TRAPPC11: variants seen among roughly 807,000 people sequenced by gnomAD.
TRAPPC11 encodes the protein foie gras homolog.
A neutral mutation model predicts 151.2 loss-of-function variants in TRAPPC11; 104 were observed. That is an observed-to-expected ratio of 0.69 (90% CI 0.59 to 0.81). The LOEUF (loss-of-function observed/expected upper bound fraction) is 0.81, where lower values mean the gene tolerates loss of function less well. Ranked by LOEUF, TRAPPC11 falls within the 30% of genes least tolerant of loss-of-function variation. The probability of loss-of-function intolerance (pLI) is 0.00; values close to 1 mark genes in which losing one functional copy is unlikely to be tolerated. For synonymous variants in TRAPPC11, 456 were observed against 472.3 expected, an observed-to-expected ratio of 0.97 and a Z score of 0.45; for missense variants, 1,230 against 1,349.6, an observed-to-expected ratio of 0.91 and a Z score of 1.39.
intron 1 of TRAPPC11, among the ~76,000 whole-genome samples, chr4:183,663,051 T>C (rs1734639227): frequency 6.6e-6 from 1 of 152,274 alleles, no homozygotes; most frequent in African/African-American, 2.4e-5. Flanking sequence ...TTTTGCCTTT[T>C]TGTAATGATT....
At chr4:183,661,573 A>T (rs543712901) in intron 1 of TRAPPC11, among the ~76,000 whole-genome samples, 3 of 150,454 alleles carry the variant, frequency 2.0e-5, no homozygotes, top group Admixed American at 6.6e-5. Flanking sequence ...GGGTTTCACC[A>T]TGTTAGCCAG....
chr4:183,667,986 A>T lies in TRAPPC11; in HGVS notation c.446-17A>T, dbSNP rs1294348872. 2.1e-6 allele frequency: 3 copies of T among 1,404,434 alleles called. No individual in the cohort carries two copies. In the South Asian group the frequency reaches 3.5e-5, roughly 16 times the overall value. 87.0% of individuals were successfully genotyped at this position (1,404,434 alleles called of 1,614,324 possible). Reference sequence around the variant, plus strand: ...GTTATTTTATTTCTCATTCATCTTGATGGGGATTATCAACAGGAGAAGATG... The same window carrying T: ...GTTATTTTATTTCTCATTCATCTTGTTGGGGATTATCAACAGGAGAAGATG... On this transcript the variant is annotated splice_polypyrimidine_tract_variant and intron_variant, in intron 4 of 29. Transcript: ENST00000334690.
intron 26 of TRAPPC11, 23 bp from the exon 27 acceptor site, chr4:183,704,956 A>T: frequency 6.7e-7 from 1 of 1,499,724 alleles, no homozygotes; most frequent in Non-Finnish European, 9.1e-7. Context: ...AAGAGTTTAA[A>T]AAGATGACCT....
intron 11 of TRAPPC11, 40 bp downstream of exon 11, chr4:183,682,865 A>G: frequency 1.5e-6 from 2 of 1,332,098 alleles, no homozygotes; most frequent in Non-Finnish European, 2.2e-6. Flanking sequence ...CTCAACCTCA[A>G]AAGGCAACAA....
chr4:183,708,290 T>C (rs1395089943), intron 28 of TRAPPC11, 117 bp from the exon 29 acceptor site: 2 of 1,076,382 alleles, frequency 1.9e-6, no homozygotes, highest in African/African-American at 3.2e-5. Context: ...AGAGAGTGAA[T>C]ATTTCAGTAG....
chr4:183,711,717 G>T (rs144403793), intron 29 of TRAPPC11, among the ~76,000 whole-genome samples: 43 of 100,850 alleles, frequency 4.3e-4, no homozygotes, highest in African/African-American at 1.2e-3. Flanking sequence ...TCACTGCCTC[G>T]GGAATGCCTC....
chr4:183,683,289 A>G (rs950132157), intron 11 of TRAPPC11, among the ~76,000 whole-genome samples: 2 of 152,242 alleles, frequency 1.3e-5, no homozygotes, highest in Non-Finnish European at 2.9e-5. Flanking sequence ...GCATTAACTC[A>G]TATTACCTTA....
intron 3 of TRAPPC11, 131 bp from the exon 4 acceptor site, chr4:183,666,929 T>C (rs937974071): frequency 2.4e-5 from 15 of 633,522 alleles, no homozygotes; most frequent in Non-Finnish European, 4.0e-5. Flanking sequence ...CAGGAAAAGA[T>C]TTCTTCTGAT....
chr4:183,685,200 C>T (rs1037946876), intron 16 of TRAPPC11, 55 bp downstream of exon 16: 15 of 1,607,908 alleles, frequency 9.3e-6, no homozygotes, highest in Admixed American at 8.3e-5. Context: ...GTACTTATAT[C>T]TATATCAACT....
Position 183,675,237 on chromosome 4 carries a change from A to G in TRAPPC11, c.734A>G (p.Lys245Arg). ...AAACAAGATACACAAAATGCGCTGA[A>G]GTAAGTTAAGCTTTCAAACTAAATG... Reference protein sequence around the residue: ...ELKQDTQNALKNYRTAYNLVH... With the variant: ...ELKQDTQNALRNYRTAYNLVH... Residue 245 changes from lysine (K) to arginine (R), a missense_variant and splice_region_variant, in exon 7 of 30, where the codon AAG becomes AGG. Physicochemically the swap from Lys to Arg is conservative, Grantham distance 26. Coordinates refer to ENST00000334690, the MANE Select transcript of TRAPPC11 (RefSeq NM_021942.6). 1 of 1,527,808 alleles carries G rather than the reference A, an allele frequency of 6.5e-7. No homozygotes were observed. Among genetic ancestry groups the G allele is most frequent in the Non-Finnish European group, 8.8e-7 (1 of 1,133,216 alleles). 94.6% of individuals were successfully genotyped at this position (1,527,808 alleles called of 1,614,324 possible). A position where few individuals can be genotyped will look rare whatever the true frequency, so the allele number is the denominator to read the frequency against.
intron 18 of TRAPPC11, among the ~76,000 whole-genome samples, chr4:183,689,791 C>T (rs201783204): frequency 4.0e-5 from 6 of 148,450 alleles, no homozygotes; most frequent in South Asian, 2.1e-4. Flanking sequence ...CTTTTCTTTC[C>T]TTTTTTTTTT....
Position 183,684,780 on chromosome 4 carries a change from C to G in TRAPPC11, c.1506C>G (p.Cys502Trp). ...LTSVLTTALK[C>W]SYLMAQLKDY... ...CTGTATTAACTACAGCTCTGAAGTG[C>G]TCCTACCTCATGGCCCAATTAAAGG... Residue 502 changes from cysteine to tryptophan, a missense_variant, in exon 15 of 30, where the codon TGC (cysteine) becomes TGG (tryptophan). Cys to Trp is a radical substitution (Grantham distance 215). Transcript: ENST00000334690. 4 of 1,613,648 alleles carry G rather than the reference C, an allele frequency of 2.5e-6. No individual in the cohort carries two copies. The highest frequency in any genetic ancestry group is 3.4e-6 in the Non-Finnish European group (4 of 1,179,612).
intron 5 of TRAPPC11, among the ~76,000 whole-genome samples, chr4:183,672,606 T>C (rs1000638838): frequency 6.6e-6 from 1 of 152,246 alleles, no homozygotes; most frequent in Non-Finnish European, 1.5e-5. Flanking sequence ...ACAACACTTA[T>C]GCTCTATCCC....
At chr4:183,671,490 GT>G (rs925976119) in intron 5 of TRAPPC11, among the ~76,000 whole-genome samples, 2 of 152,050 alleles carry the variant, frequency 1.3e-5, no homozygotes, top group African/African-American at 4.8e-5. Flanking sequence ...TTCTGCTCTT[GT>G]GCCTTTTATT....
At chr4:183,663,185 G>C (rs4645253) in intron 1 of TRAPPC11, among the ~76,000 whole-genome samples, 27,511 of 151,992 alleles carry the variant, frequency 0.18, 2,566 homozygotes, top group Middle Eastern at 0.23. Context: ...TCCTGCCTCA[G>C]CCTCCAAGTA....
intron 1 of TRAPPC11, among the ~76,000 whole-genome samples, chr4:183,663,390 C>T (rs1167177593): frequency 2.6e-5 from 4 of 151,960 alleles, no homozygotes; most frequent in Admixed American, 6.6e-5. Context: ...CCCACCACCA[C>T]GCCCGGCTAA....
At chr4:183,692,818 G>A in intron 19 of TRAPPC11, 142 bp from the exon 20 acceptor site, 1 of 642,214 alleles carries the variant, frequency 1.6e-6, no homozygotes. Flanking sequence ...ACCTCTAATA[G>A]CAGGTGTTCT....
rs1579205735 is a variant in TRAPPC11 at position 183,693,675 on chromosome 4, C to G, written c.2324C>G (p.Thr775Ser). ...AATGAAATGTATTGTTTGGTTGTGA[C>G]TGTTCAGTCCCATGAAAAGACCCAA... ...LTNEMYCLVV[T>S]VQSHEKTQIR... The change falls in exon 21 of 30, where the codon ACT becomes AGT. Residue 775 changes from threonine to serine, a missense_variant. By Grantham distance (58) the Thr-to-Ser change is moderately conservative (BLOSUM62 1). Coordinates refer to ENST00000334690, the MANE Select transcript of TRAPPC11 (RefSeq NM_021942.6). 5 of 1,614,130 alleles carry G rather than the reference C, an allele frequency of 3.1e-6. No homozygotes were observed. Among genetic ancestry groups the G allele is most frequent in the Non-Finnish European group, 4.2e-6 (5 of 1,180,022 alleles).
Position 183,704,959 on chromosome 4 carries a change from G to A in TRAPPC11, c.2964-20G>A, listed in dbSNP as rs1191231834. On this transcript the variant is annotated intron_variant, in intron 26 of 29. Transcript: ENST00000334690. ...AAGATGTTTAAAAAGAGTTTAAAAAGATGACCTCTTCTGCCACAGGACCTC... is the reference window on the plus strand; with the variant it reads ...AAGATGTTTAAAAAGAGTTTAAAAAAATGACCTCTTCTGCCACAGGACCTC... The A allele has an allele frequency of 6.6e-7, 1 of 1,510,596 alleles. No homozygotes were observed. Among genetic ancestry groups the A allele is most frequent in the Non-Finnish European group, 9.1e-7 (1 of 1,102,244 alleles). The allele number at this position is 1,510,596 out of a possible 1,614,324, so 93.6% of individuals were successfully genotyped here.
Sources: gnomAD v4.1 joint callset for allele counts (sites outside exome capture counted in the v4.1 genomes callset) on GRCh38, gnomAD v4.1.1 for gene constraint, MANE v1.5 for transcripts, NCBI Gene and HGNC (gene_info 2026-07-23, HGNC 2026-07-21) for gene names.